The following MKLN1 variants were observed in gnomAD, a reference collection of about 807,000 sequenced individuals.
MKLN1 encodes the protein muskelin.
MKLN1 carries 18 observed loss-of-function variants against 99.0 expected under a neutral mutation model. That is an observed-to-expected ratio of 0.18 (90% confidence interval 0.13 to 0.27). MKLN1 has a LOEUF of 0.27. Among genes scored for constraint, MKLN1 ranks in the 10% least tolerant of loss-of-function variants. The probability of loss-of-function intolerance (pLI) is 1.00; values close to 1 mark genes in which losing one functional copy is unlikely to be tolerated. For synonymous variants in MKLN1, 288 were observed against 293.2 expected, an observed-to-expected ratio of 0.98 and a Z score of 0.18; for missense variants, 621 against 875.9, an observed-to-expected ratio of 0.71 and a Z score of 3.67.
At position 131,492,007 on chromosome 7, in the gene MKLN1, ACATT is replaced by A. The variant is rs1797435586; in HGVS notation, c.*4282_*4285del. The stretch of plus-strand genomic sequence containing the variant: ...TAATGAAATTCATAAGAAATTAATA[ACATT>A]CAGATATTGCTATAAATGTACTTGA... On this transcript the variant is annotated 3_prime_UTR_variant, in exon 18 of 18. Coordinates refer to ENST00000352689, the MANE Select transcript of MKLN1 (RefSeq NM_013255.5). The A allele has an allele frequency of 6.6e-6, 1 of 152,268 alleles. No individual in the cohort carries two copies. The highest frequency in any genetic ancestry group is 2.4e-5 in the African/African-American group (1 of 41,460). The allele number at this position is 152,268 out of a possible 1,614,324, so 9.4% of individuals were successfully genotyped here.
intron 3 of MKLN1, among the ~76,000 whole-genome samples, chr7:131,261,880 G>A (rs965592863): frequency 2.0e-5 from 3 of 152,216 alleles, no homozygotes; most frequent in Middle Eastern, 3.4e-3. Context: ...AGTACTAAGC[G>A]AACTATTAAT....
intron 9 of MKLN1, among the ~76,000 whole-genome samples, chr7:131,431,231 CA>C (rs200619931): frequency 0.044 from 6,603 of 149,176 alleles, 180 homozygotes; most frequent in Non-Finnish European, 0.069. Flanking sequence ...CAAAAAAAAA[CA>C]AAAAAAAACA....
At chr7:131,177,401 G>A (rs1237410546) in intron 2 of MKLN1, among the ~76,000 whole-genome samples, 3 of 151,452 alleles carry the variant, frequency 2.0e-5, no homozygotes, top group African/African-American at 4.9e-5. Flanking sequence ...CTGGGATTGC[G>A]GAGGTTGCAG....
At chr7:131,253,848 ATG>A (rs1406765077) in intron 3 of MKLN1, among the ~76,000 whole-genome samples, 2 of 152,240 alleles carry the variant, frequency 1.3e-5, no homozygotes, top group African/African-American at 2.4e-5. Context: ...TGGTAGCTCA[ATG>A]TGCGCAACAA....
chr7:131,340,373 G>A (rs1198884402), intron 1 of MKLN1, among the ~76,000 whole-genome samples: 1 of 147,332 alleles, frequency 6.8e-6, no homozygotes, highest in African/African-American at 2.5e-5. Context: ...TGCCTCCCAG[G>A]TTCAAGCAAT....
chr7:131,246,614 C>A (rs1257579421), intron 3 of MKLN1, among the ~76,000 whole-genome samples: 1 of 151,792 alleles, frequency 6.6e-6, no homozygotes, highest in Non-Finnish European at 1.5e-5. Context: ...TAAGGAAAAT[C>A]CCCCTTCCTC....
At chr7:131,157,884 G>A (rs1795992067) in intron 2 of MKLN1, among the ~76,000 whole-genome samples, 1 of 152,122 alleles carries the variant, frequency 6.6e-6, no homozygotes, top group Non-Finnish European at 1.5e-5. Context: ...CTCGTATTTG[G>A]CATCTGTAAT....
In MKLN1 at chr7:131,287,771, TAGGGAAAGACC is replaced by T. The variant is rs376286312; in HGVS notation, c.-179+84800_-179+84810del. ...TTAATCCCCATAATCCCCACATGTT[TAGGGAAAGACC>T]AGTGGGAGGTGATTGGATCATGGGG... On this transcript the variant is annotated intron_variant, in intron 3 of 7. Transcript: ENST00000416992. 6.8e-3 allele frequency among the ~76,000 whole-genome samples: 1,041 copies of T among 152,204 alleles called. 11 individuals carry two copies. The highest frequency in any genetic ancestry group is 0.024 in the African/African-American group (984 of 41,532).
chr7:131,152,058 C>T (rs1442078178), intron 2 of MKLN1, among the ~76,000 whole-genome samples: 1 of 152,136 alleles, frequency 6.6e-6, no homozygotes, highest in Admixed American at 6.5e-5. Context: ...TGTGGTGGCT[C>T]ATTCCTATAA....
chr7:131,292,924 G>A (rs1263583794), intron 3 of MKLN1, among the ~76,000 whole-genome samples: 1 of 152,168 alleles, frequency 6.6e-6, no homozygotes, highest in Non-Finnish European at 1.5e-5. Flanking sequence ...CTAATAGTGG[G>A]ACAACCCGAC....
chr7:131,335,985 AT>A (rs200851647), intron 1 of MKLN1, among the ~76,000 whole-genome samples: 2,822 of 142,048 alleles, frequency 0.02, 194 homozygotes, highest in Admixed American at 0.15. Flanking sequence ...TCCTTACTGA[AT>A]TTTTTTTTTT....
At chr7:131,116,446 TAGG>T (rs1795279469) in intron 1 of MKLN1, among the ~76,000 whole-genome samples, 1 of 152,012 alleles carries the variant, frequency 6.6e-6, no homozygotes, top group Non-Finnish European at 1.5e-5. Flanking sequence ...CGAAATGGAA[TAGG>T]TATAGGCATA....
chr7:131,369,389 C>T (rs1261768198), intron 1 of MKLN1, among the ~76,000 whole-genome samples: 2 of 152,150 alleles, frequency 1.3e-5, no homozygotes, highest in African/African-American at 4.8e-5. Context: ...GAATTAATTT[C>T]ATCAATTTGA....
intron 1 of MKLN1, among the ~76,000 whole-genome samples, chr7:131,338,165 G>T (rs1045123878): frequency 1.3e-5 from 2 of 152,070 alleles, no homozygotes; most frequent in Non-Finnish European, 2.9e-5. Context: ...CTTTTTAATT[G>T]CTTTCTGCTG....
intron 2 of MKLN1, among the ~76,000 whole-genome samples, chr7:131,386,014 CTTTT>C (rs71174945): frequency 7.5e-6 from 1 of 132,932 alleles, no homozygotes; most frequent in Non-Finnish European, 1.6e-5. Context: ...GGTCTTCAGT[CTTTT>C]TTTTTTTTTT....
intron 3 of MKLN1, among the ~76,000 whole-genome samples, chr7:131,236,948 C>T (rs1797330948): frequency 6.6e-6 from 1 of 152,076 alleles, no homozygotes. Context: ...GATTGCACAC[C>T]ATTGCACTCT....
chr7:131,113,977 C>T (rs1563219253), intron 1 of MKLN1, among the ~76,000 whole-genome samples: 1 of 152,208 alleles, frequency 6.6e-6, no homozygotes, highest in African/African-American at 2.4e-5. Context: ...AGTCACCTCC[C>T]ACCAGGTCCC....
At chr7:131,263,291 C>T (rs1217599380) in intron 3 of MKLN1, among the ~76,000 whole-genome samples, 1 of 151,142 alleles carries the variant, frequency 6.6e-6, no homozygotes, top group Admixed American at 6.6e-5. Context: ...ATTACTTTAG[C>T]CCAGAAGTTC....
At position 131,159,572 on chromosome 7, in the gene MKLN1, G is replaced by A. The variant is rs193287157; in HGVS notation, c.-297+16631G>A. Among the ~76,000 whole-genome samples the A allele has an allele frequency of 3.9e-3, 599 of 152,218 alleles. 5 individuals are homozygous for A. Among genetic ancestry groups the A allele is most frequent in the African/African-American group, 0.014 (567 of 41,528 alleles). The stretch of plus-strand genomic sequence containing the variant: ...TGGTTACCAGAGGCTGGGAAGGGAA[G>A]GGGGAGTGGGGGAGGAAGGGATGTT... On this transcript the variant is annotated intron_variant, in intron 2 of 7. Transcript: ENST00000416992.
Sources: gnomAD v4.1 joint callset for allele counts (sites outside exome capture counted in the v4.1 genomes callset) on GRCh38, gnomAD v4.1.1 for gene constraint, MANE v1.5 for transcripts, NCBI Gene and HGNC (gene_info 2026-07-23, HGNC 2026-07-21) for gene names.